Variants in SRRM3 observed in about 807,000 individuals in gnomAD.
SRRM3 encodes the protein serine/arginine repetitive matrix protein 3.
In SRRM3, 27 loss-of-function variants were observed where a neutral mutation model predicts 66.2. That is an observed-to-expected ratio of 0.41 (90% CI 0.30 to 0.56). The LOEUF (loss-of-function observed/expected upper bound fraction) is 0.56. Among genes scored for constraint, SRRM3 ranks in the 20% least tolerant of loss-of-function variants. The pLI is 0.32. For synonymous variants in SRRM3, 391 were observed against 414.9 expected (o/e 0.94, Z 0.70); for missense variants, 918 against 991.9 (o/e 0.93, Z 1.00).
chr7:76,266,930 C>T (rs1802074910), intron 10 of SRRM3, among the ~76,000 whole-genome samples: 1 of 151,926 alleles, frequency 6.6e-6, no homozygotes. Flanking sequence ...GTCTCGGCCT[C>T]CCAAAGTGCT....
chr7:76,238,654 CT>C (rs1482067952), intron 2 of SRRM3, among the ~76,000 whole-genome samples: 3 of 152,052 alleles, frequency 2.0e-5, no homozygotes, highest in African/African-American at 7.2e-5. Flanking sequence ...TGCCATGCCT[CT>C]TTTTTAGTTT....
chr7:76,241,870 C>G (rs139278553), intron 2 of SRRM3, among the ~76,000 whole-genome samples: 1 of 152,314 alleles, frequency 6.6e-6, no homozygotes, highest in South Asian at 2.1e-4. Context: ...AAATACATCA[C>G]GTCTGTGTTA....
chr7:76,205,453 G>A (rs141527353), intron 1 of SRRM3, among the ~76,000 whole-genome samples: 7 of 152,106 alleles, frequency 4.6e-5, no homozygotes, highest in African/African-American at 1.7e-4. Flanking sequence ...CAGGTGATCC[G>A]CCTGCCTCAG....
intron 8 of SRRM3, among the ~76,000 whole-genome samples, chr7:76,262,266 G>A (rs1345689649): frequency 4.6e-5 from 7 of 152,122 alleles, no homozygotes; most frequent in African/African-American, 1.4e-4. Context: ...AGCACTGTGG[G>A]AGGCTGAGGC....
At chr7:76,232,194 CA>C (rs556066121) in intron 1 of SRRM3, among the ~76,000 whole-genome samples, 1 of 152,266 alleles carries the variant, frequency 6.6e-6, no homozygotes, top group Non-Finnish European at 1.5e-5. Context: ...GCCCTCAGCC[CA>C]GGGGGAGCCA....
At chr7:76,281,061 C>T (rs1802484759) in intron 11 of SRRM3, among the ~76,000 whole-genome samples, 1 of 148,290 alleles carries the variant, frequency 6.7e-6, no homozygotes, top group South Asian at 2.2e-4. Flanking sequence ...CGCTCTTTCG[C>T]CCTCTCTCTT....
Position 76,282,675 on chromosome 7 carries a change from GC to G in SRRM3, c.1401del (p.Ala468ProfsTer131). 1 of 1,407,466 alleles carries G rather than the reference GC, an allele frequency of 7.1e-7. No individual in the cohort carries two copies. The highest frequency in any genetic ancestry group is 9.2e-7 in the Non-Finnish European group (1 of 1,088,244). 87.2% of individuals were successfully genotyped at this position (1,407,466 alleles called of 1,614,324 possible). A position where few individuals can be genotyped will look rare whatever the true frequency, so the allele number is the denominator to read the frequency against. ...CCAAGGAGCGGCCCCCGCGCGCGCG[GC>G]CCGCCAGCACCTCTCCGTCCCCGGG... Reference protein sequence around the residue: ...RAKERPPRARPASTSPSPGAH... With the variant: ...RAKERPPRARXASTSPSPGAH... On this transcript the variant is annotated frameshift_variant, in exon 13 of 15. Transcript: ENST00000611745. LOFTEE classifies it high-confidence loss of function.
At chr7:76,206,447 A>G (rs1800304207) in intron 1 of SRRM3, among the ~76,000 whole-genome samples, 1 of 152,148 alleles carries the variant, frequency 6.6e-6, no homozygotes, top group Admixed American at 6.5e-5. Context: ...AGGGCTTGTT[A>G]CCAAAAATTA....
intron 3 of SRRM3, among the ~76,000 whole-genome samples, chr7:76,255,808 A>G (rs1404653898): frequency 1.3e-5 from 2 of 152,144 alleles, no homozygotes; most frequent in Non-Finnish European, 2.9e-5. Context: ...GGTTCCCTAA[A>G]AAATCTGTCT....
chr7:76,210,359 T>C (rs1378931964), intron 1 of SRRM3, among the ~76,000 whole-genome samples: 1 of 152,206 alleles, frequency 6.6e-6, no homozygotes, highest in Non-Finnish European at 1.5e-5. Flanking sequence ...CTTCCCTCTC[T>C]GTCAGGCCCT....
At chr7:76,225,806 T>C (rs1461843500) in intron 1 of SRRM3, among the ~76,000 whole-genome samples, 2 of 152,204 alleles carry the variant, frequency 1.3e-5, no homozygotes, top group Non-Finnish European at 2.9e-5. Context: ...CATGCATTAG[T>C]CCTTTACAAC....
At chr7:76,215,625 GTTT>G (rs143948708) in intron 1 of SRRM3, among the ~76,000 whole-genome samples, 2 of 119,138 alleles carry the variant, frequency 1.7e-5, no homozygotes, top group Non-Finnish European at 3.4e-5. Context: ...GCCCAGTCTG[GTTT>G]TTTTTTTTTT....
At chr7:76,248,318 G>A (rs1554606432) in intron 3 of SRRM3, 29 bp downstream of exon 3, 1 of 1,567,174 alleles carries the variant, frequency 6.4e-7, no homozygotes, top group Admixed American at 1.7e-5. Context: ...GGGGATGAGG[G>A]AGAGGGGGTG....
At position 76,235,875 on chromosome 7, in the gene SRRM3, G is replaced by C. The variant is rs184408470; in HGVS notation, c.233+576G>C. Among the ~76,000 whole-genome samples the C allele has an allele frequency of 8.1e-3, 1,228 of 151,736 alleles. 16 individuals are homozygous for C. Among genetic ancestry groups the C allele is most frequent in the African/African-American group, 0.028 (1,158 of 41,342 alleles). Reference sequence around the variant, plus strand: ...ACAAAAATTAGCCAGGCGTGGTGACGCGTGCCTGTAATCCCAGCTACTCGG... The same window carrying C: ...ACAAAAATTAGCCAGGCGTGGTGACCCGTGCCTGTAATCCCAGCTACTCGG... On this transcript the variant is annotated intron_variant, in intron 2 of 14. Transcript: ENST00000611745.
In SRRM3 at chr7:76,272,179, A is replaced by G. The variant is rs562101053; in HGVS notation, c.1008+4744A>G. Among the ~76,000 whole-genome samples, 4 of 152,312 alleles carry G rather than the reference A, an allele frequency of 2.6e-5. No individual in the cohort carries two copies. The South Asian group carries it at 8.3e-4, about 32-fold the overall frequency. ...CACCCTCCCAAGGCCCAAAAAGAGT[A>G]TACAGAGTTTGCCGTCTTTTCTATT... On this transcript the variant is annotated intron_variant, in intron 11 of 14. Coordinates refer to ENST00000611745, the MANE Select transcript of SRRM3 (RefSeq NM_001110199.3).
At chr7:76,209,859 G>A (rs1252158173) in intron 1 of SRRM3, among the ~76,000 whole-genome samples, 1 of 152,174 alleles carries the variant, frequency 6.6e-6, no homozygotes, top group African/African-American at 2.4e-5. Context: ...TCCCATCTCG[G>A]GCTCTCAAAG....
At chr7:76,229,439 G>C (rs1380441719) in intron 1 of SRRM3, among the ~76,000 whole-genome samples, 2 of 152,114 alleles carry the variant, frequency 1.3e-5, no homozygotes, top group Non-Finnish European at 2.9e-5. Context: ...AGCCAGGTTT[G>C]ACCTAAATCC....
chr7:76,267,460 G>A (rs934836472), intron 11 of SRRM3, 25 bp downstream of exon 11: 2 of 1,329,108 alleles, frequency 1.5e-6, no homozygotes, highest in Non-Finnish European at 9.6e-7. Context: ...CTTTGCGGAG[G>A]GTTCCCGCGC....
intron 2 of SRRM3, among the ~76,000 whole-genome samples, chr7:76,244,616 A>G (rs1801392392): frequency 6.6e-6 from 1 of 151,770 alleles, no homozygotes; most frequent in African/African-American, 2.4e-5. Context: ...TTGGTCCCCA[A>G]GTCCCATCCC....
Sources: allele counts gnomAD v4.1 joint callset (sites outside exome capture counted in the v4.1 genomes callset), GRCh38; gene constraint gnomAD v4.1.1; transcripts MANE v1.5; gene names NCBI Gene and HGNC (gene_info 2026-07-23, HGNC 2026-07-21).